TET1: variants seen among roughly 807,000 people sequenced by gnomAD.
The protein encoded by TET1 is tet methylcytosine dioxygenase 1, also known as methylcytosine dioxygenase TET1.
A neutral mutation model predicts 148.7 loss-of-function variants in TET1; 13 were observed. That is an observed-to-expected ratio of 0.09 (90% CI 0.06 to 0.14). The LOEUF is 0.14. TET1 is among the 10% of genes least tolerant of loss of function. TET1 has a pLI of 1.00. For synonymous variants in TET1, 907 were observed against 937.2 expected (o/e 0.97, Z 0.59); for missense variants, 2,182 against 2,553.8 (o/e 0.85, Z 3.14).
At chr10:68,567,954 C>T (rs1308312300) in intron 1 of TET1, among the ~76,000 whole-genome samples, 1 of 152,114 alleles carries the variant, frequency 6.6e-6, no homozygotes, top group Non-Finnish European at 1.5e-5. Context: ...TCTTGGCTCA[C>T]CGCAACTTCT....
intron 8 of TET1, among the ~76,000 whole-genome samples, chr10:68,677,336 T>A (rs1433622514): frequency 6.6e-6 from 1 of 152,166 alleles, no homozygotes; most frequent in Non-Finnish European, 1.5e-5. Context: ...TTTCTTTTTG[T>A]TTCCTAATCT....
At chr10:68,660,941 T>C (rs1438855380) in intron 6 of TET1, among the ~76,000 whole-genome samples, 1 of 150,354 alleles carries the variant, frequency 6.7e-6, no homozygotes, top group South Asian at 2.1e-4. Flanking sequence ...TGGGATTACA[T>C]GCGTGTGCCA....
At chr10:68,610,152 G>A (rs575323129) in intron 3 of TET1, among the ~76,000 whole-genome samples, 17 of 152,104 alleles carry the variant, frequency 1.1e-4, no homozygotes, top group Middle Eastern at 3.4e-3. Flanking sequence ...GCGTGGTGGC[G>A]GGCGCCTGTA....
intron 2 of TET1, among the ~76,000 whole-genome samples, chr10:68,576,349 A>AC (rs1491182647): frequency 2.1e-5 from 1 of 47,996 alleles, no homozygotes; most frequent in African/African-American, 6.3e-5. Flanking sequence ...ACCCTGTCTC[A>AC]AAAAAAAAAA....
chr10:68,593,157 G>A (rs1045930552), intron 2 of TET1, among the ~76,000 whole-genome samples: 26 of 141,458 alleles, frequency 1.8e-4, no homozygotes, highest in African/African-American at 6.6e-4. Flanking sequence ...GCTTGAACCC[G>A]AAAGTTGAAG....
At chr10:68,682,774 T>C in intron 9 of TET1, 62 bp from the exon 10 acceptor site, 1 of 1,530,106 alleles carries the variant, frequency 6.5e-7, no homozygotes, top group Non-Finnish European at 8.8e-7. Flanking sequence ...TTTTTACTCT[T>C]TACTGAAGGT....
intron 4 of TET1, among the ~76,000 whole-genome samples, chr10:68,647,609 A>C (rs1335922602): frequency 1.4e-5 from 2 of 143,544 alleles, no homozygotes; most frequent in African/African-American, 2.8e-5. Flanking sequence ...GTCTTAAAAA[A>C]AAAAGAAAGA....
At chr10:68,654,106 CAAAAAAAAA>C (rs66890965) in intron 6 of TET1, among the ~76,000 whole-genome samples, 4 of 85,038 alleles carry the variant, frequency 4.7e-5, no homozygotes, top group Non-Finnish European at 8.4e-5. Flanking sequence ...AAAATGTCTC[CAAAAAAAAA>C]AAAAAAAAAA....
chr10:68,622,343 C>T (rs10998337), intron 3 of TET1, among the ~76,000 whole-genome samples: 5,049 of 151,880 alleles, frequency 0.033, 127 homozygotes, highest in Non-Finnish European at 0.047. Context: ...CGGGTCACTG[C>T]AGTCTCTACC....
chr10:68,625,759 A>G (rs1199523877), intron 3 of TET1, among the ~76,000 whole-genome samples: 1 of 152,168 alleles, frequency 6.6e-6, no homozygotes, highest in Non-Finnish European at 1.5e-5. Flanking sequence ...ATGCAGTCCC[A>G]GATTTGAATT....
chr10:68,573,385 C>A lies in TET1; in HGVS notation c.1047C>A (p.Phe349Leu). The stretch of plus-strand genomic sequence containing the variant: ...CTAAACCAGATCATCAAGAGGCCTT[C>A]GAAGCTACTGCAAATCAACAGGAAG... The part of the protein sequence containing the change: ...LGAKPDHQEA[F>L]EATANQQEVS... Residue 349 changes from phenylalanine (F) to leucine (L), a missense_variant, in exon 2 of 12, where the codon TTC (phenylalanine) becomes TTA (leucine). Around this residue, in one of 11 missense-constraint regions of TET1, gnomAD observed 665 missense variants for 672.4 expected, o/e 0.99. Transcript: ENST00000373644. 4 of 1,614,092 alleles carry A rather than the reference C, an allele frequency of 2.5e-6. No homozygotes were observed. In the South Asian group the frequency reaches 4.4e-5, roughly 18 times the overall value.
chr10:68,597,612 T>C (rs2054003363), intron 2 of TET1, among the ~76,000 whole-genome samples: 3 of 152,222 alleles, frequency 2.0e-5, no homozygotes, highest in African/African-American at 7.2e-5. Context: ...TCAGCAATTC[T>C]ACTCCAAGGT....
intron 2 of TET1, among the ~76,000 whole-genome samples, chr10:68,576,714 G>C (rs1481089283): frequency 6.6e-6 from 1 of 152,022 alleles, no homozygotes; most frequent in African/African-American, 2.4e-5. Context: ...TCAGGAAACT[G>C]TTTCTATTTC....
At chr10:68,637,844 G>A (rs887115625) in intron 3 of TET1, among the ~76,000 whole-genome samples, 2 of 151,668 alleles carry the variant, frequency 1.3e-5, no homozygotes, top group Non-Finnish European at 1.5e-5. Context: ...ACTCCAGCAT[G>A]GGTGACAGAG....
intron 1 of TET1, among the ~76,000 whole-genome samples, chr10:68,569,762 G>C (rs2053646449): frequency 6.6e-6 from 1 of 151,838 alleles, no homozygotes; most frequent in Non-Finnish European, 1.5e-5. Flanking sequence ...TGGGCAACAG[G>C]GAGACCTGTT....
intron 7 of TET1, among the ~76,000 whole-genome samples, chr10:68,670,491 C>T (rs2055258396): frequency 6.6e-6 from 1 of 152,184 alleles, no homozygotes; most frequent in Non-Finnish European, 1.5e-5. Flanking sequence ...ATAACCTGGA[C>T]TATTACACTC....
At chr10:68,592,438 G>A (rs1315538153) in intron 2 of TET1, among the ~76,000 whole-genome samples, 1 of 152,150 alleles carries the variant, frequency 6.6e-6, no homozygotes, top group Non-Finnish European at 1.5e-5. Flanking sequence ...GTCTTAACAG[G>A]AGCGTTATTC....
intron 3 of TET1, among the ~76,000 whole-genome samples, chr10:68,631,430 CTTCTTT>C (rs2054568186): frequency 1.0e-5 from 1 of 97,716 alleles, no homozygotes; most frequent in African/African-American, 3.7e-5. Context: ...TGTTTTCTTT[CTTCTTT>C]TTTTTTTTTT....
At chr10:68,580,313 ATTTTTTTTT>A (rs1163318028) in intron 2 of TET1, among the ~76,000 whole-genome samples, 3 of 60,402 alleles carry the variant, frequency 5.0e-5, no homozygotes, top group African/African-American at 6.8e-5. Flanking sequence ...ATTATATTCA[ATTTTTTTTT>A]TTTTTTTTTT....
Sources: gnomAD v4.1 joint callset for allele counts (sites outside exome capture counted in the v4.1 genomes callset) on GRCh38, gnomAD v4.1.1 for gene constraint, gnomAD v4.1.1 regional missense constraint, MANE v1.5 for transcripts, NCBI Gene and HGNC (gene_info 2026-07-23, HGNC 2026-07-21) for gene names.